Variants in MYEF2 observed in about 807,000 individuals in gnomAD.
MYEF2 encodes myelin expression factor 2.
MYEF2 carries 37 observed loss-of-function variants against 75.2 expected under a neutral mutation model. The observed-to-expected ratio is 0.49, with a 90% confidence interval of 0.38 to 0.65. The LOEUF (loss-of-function observed/expected upper bound fraction) is 0.65, where lower values mean the gene tolerates loss of function less well. Among genes scored for constraint, MYEF2 ranks in the 30% least tolerant of loss-of-function variants. The pLI is 0.00. For synonymous variants in MYEF2, 195 were observed against 241.6 expected, an observed-to-expected ratio of 0.81 and a Z score of 1.79; for missense variants, 634 against 771.4, an observed-to-expected ratio of 0.82 and a Z score of 2.11.
chr15:48,151,627 A>G (rs1353744407), intron 12 of MYEF2, 56 bp from the exon 13 acceptor site: 3 of 1,460,936 alleles, frequency 2.1e-6, no homozygotes, highest in African/African-American at 2.8e-5. Context: ...CATGTTGAAA[A>G]CATTCAGGAA....
Position 48,149,120 on chromosome 15 carries a change from G to GA in MYEF2, c.1588-38dup, listed in dbSNP as rs748649854. 46 of 1,611,476 alleles carry GA rather than the reference G, an allele frequency of 2.9e-5. No homozygotes were observed. The highest frequency in any genetic ancestry group is 6.7e-5 in the Admixed American group (4 of 59,772). On this transcript the variant is annotated intron_variant, in intron 15 of 16. Transcript: ENST00000324324. This position sits in a 1 kb window ranked among gnomAD's most constrained non-coding sequence, Gnocchi z 4.0. ...AGAGGTATTAGTAACATATATACAA[G>GA]AAAAAAAAGAATTTGAATTATCCTT...
chr15:48,153,859 C>G lies in MYEF2; in HGVS notation c.1020G>C (p.Pro340=). ...GLGGIGMGLG[P]GGQPISASQL... is the part of the protein sequence containing the mutation. ...GGCTGGCACTAATAGGCTGTCCACC[C>G]GGACCAAGTCCCATCCCAATGCCTC... is the stretch of plus-strand genomic sequence containing the variant. The change falls in exon 10 of 17, where the codon CCG becomes CCC. Residue 340 remains proline (P), a synonymous_variant. Transcript: ENST00000324324. 6.2e-7 allele frequency: 1 copy of G among 1,613,228 alleles called. No individual in the cohort carries two copies.
rs531820709 is a variant in MYEF2 at position 48,149,253 on chromosome 15, G to A, written c.1497C>T (p.Ile499=). 5.0e-6 allele frequency: 8 copies of A among 1,613,198 alleles called. No homozygotes were observed. The highest frequency in any genetic ancestry group is 4.5e-5 in the East Asian group (2 of 44,864). ...PGIGAILERS[I]DMDRGFLSGP... is the part of the protein sequence containing the mutation. ...CCGATAAAAATCCTCGATCCATATCGATGCTCCTTTCCAGTATAGCTCCTA... is the reference window on the plus strand; with the variant it reads ...CCGATAAAAATCCTCGATCCATATCAATGCTCCTTTCCAGTATAGCTCCTA... The change falls in exon 15 of 17, where the codon ATC becomes ATT. Residue 499 remains isoleucine, a synonymous_variant. Transcript: ENST00000324324. This position sits in a 1 kb window ranked among gnomAD's most constrained non-coding sequence, Gnocchi z 4.0.
intron 1 of MYEF2, among the ~76,000 whole-genome samples, chr15:48,172,230 T>C (rs2040366275): frequency 6.6e-6 from 1 of 152,080 alleles, no homozygotes; most frequent in African/African-American, 2.4e-5. Flanking sequence ...TGAAACCCCG[T>C]CTCTACTAAA....
rs775289464 is a variant in MYEF2, at chr15:48,149,397, G to A, written c.1379-26C>T. ...CTGGATTTTCAAGAAAGGACGGGGG[G>A]ATTTGGGAATTTTGTGTTTTTGTTT... On this transcript the variant is annotated intron_variant, in intron 14 of 16. Transcript: ENST00000324324. This position sits in a 1 kb window ranked among gnomAD's most constrained non-coding sequence, Gnocchi z 4.0. The A allele has an allele frequency of 2.5e-6, 4 of 1,604,044 alleles. No individual in the cohort carries two copies. The highest frequency in any genetic ancestry group is 2.2e-5 in the East Asian group (1 of 44,788).
chr15:48,138,286 A>AT lies in MYEF2; in HGVS notation c.*4621dup. ...AAATTTTGAACATTTTTGAATTCGAATTTTTATCCAATATATTATCATTAT... is the reference window on the plus strand; with the variant it reads ...AAATTTTGAACATTTTTGAATTCGAATTTTTTATCCAATATATTATCATTAT... On this transcript the variant is annotated 3_prime_UTR_variant, in exon 17 of 17. Transcript: ENST00000324324. 6.6e-6 allele frequency: 1 copy of AT among 152,080 alleles called. No individual in the cohort carries two copies. Among genetic ancestry groups the AT allele is most frequent in the East Asian group, 1.9e-4 (1 of 5,186 alleles). 9.4% of individuals were successfully genotyped at this position (152,080 alleles called of 1,614,324 possible). A position where few individuals can be genotyped will look rare whatever the true frequency, so the allele number is the denominator to read the frequency against.
chr15:48,168,632 T>G lies in MYEF2; in HGVS notation c.369A>C (p.Lys123Asn). 2 of 1,610,044 alleles carry G rather than the reference T, an allele frequency of 1.2e-6. No homozygotes were observed. Among genetic ancestry groups the G allele is most frequent in the Non-Finnish European group, 1.7e-6 (2 of 1,176,894 alleles). Residue 123 changes from lysine (K) to asparagine (N), a missense_variant and splice_region_variant, in exon 2 of 17, where the codon AAA (lysine) becomes AAC (asparagine). Coordinates refer to ENST00000324324, the MANE Select transcript of MYEF2 (RefSeq NM_016132.5). ...GTGGGTTATTTCAGAGATAGTTACCTTTCTCTCTCATTAGATCTTTAATAG... is the reference window on the plus strand; with the variant it reads ...GTGGGTTATTTCAGAGATAGTTACCGTTCTCTCTCATTAGATCTTTAATAG... The part of the protein sequence containing the change: ...WQAIKDLMRE[K>N]VGEVTYVELF...
intron 5 of MYEF2, among the ~76,000 whole-genome samples, chr15:48,160,984 TGGCTACCTATGG>T (rs2140893707): frequency 6.6e-6 from 1 of 152,198 alleles, no homozygotes; most frequent in South Asian, 2.1e-4. Flanking sequence ...TTTAGGACAG[TGGCTACCTATGG>T]GGAAGAAAGA....
chr15:48,159,553 C>T (rs933501514), intron 6 of MYEF2, 60 bp downstream of exon 6: 2 of 1,427,274 alleles, frequency 1.4e-6, no homozygotes, highest in Non-Finnish European at 1.9e-6. Context: ...ATAACTCATT[C>T]ATTTAATCAA....
At position 48,134,928 on chromosome 15, in the gene MYEF2, G is replaced by C. The variant is rs138902406; in HGVS notation, c.*7980C>G. On this transcript the variant is annotated 3_prime_UTR_variant, in exon 17 of 17. Transcript: ENST00000324324. The stretch of plus-strand genomic sequence containing the variant: ...GGCCCCTATTCAGAGACTGTGCAGC[G>C]TACACAATTAGTGCAGCAGCAGTTC... 1.2e-6 allele frequency: 2 copies of C among 1,612,478 alleles called. No individual in the cohort carries two copies. Among genetic ancestry groups the C allele is most frequent in the Non-Finnish European group, 1.7e-6 (2 of 1,178,924 alleles).
intron 1 of MYEF2, among the ~76,000 whole-genome samples, chr15:48,172,975 G>A (rs2040394411): frequency 6.6e-6 from 1 of 152,098 alleles, no homozygotes; most frequent in South Asian, 2.1e-4. Flanking sequence ...CTGAACATGA[G>A]GAAAGTCTTT....
In MYEF2 at chr15:48,142,834, T is replaced by C. The variant is rs2039134394; in HGVS notation, c.*74A>G. On this transcript the variant is annotated 3_prime_UTR_variant, in exon 17 of 17. Coordinates refer to ENST00000324324, the MANE Select transcript of MYEF2 (RefSeq NM_016132.5). ...TTACAGCTTTTGTAAGCATACAATA[T>C]TACTTTAAAAAAATGACTTTTACTA... The C allele has an allele frequency of 2.1e-6, 3 of 1,402,452 alleles. No homozygotes were observed. Among genetic ancestry groups the C allele is most frequent in the Admixed American group, 4.9e-5 (2 of 41,148 alleles). The allele number at this position is 1,402,452 out of a possible 1,614,324, so 86.9% of individuals were successfully genotyped here.
rs2039813303 is a variant in MYEF2, at chr15:48,158,835, C to T, written c.805G>A (p.Asp269Asn). The change falls in exon 7 of 17, where the codon GAT becomes AAT. Residue 269 changes from aspartate to asparagine, a missense_variant. Transcript: ENST00000324324. Reference protein sequence around the residue: ...VKRADIKEDKDGKSRGMGTVT... With the variant: ...VKRADIKEDKNGKSRGMGTVT... ...GTGCCCATTCCTCTGCTCTTGCCAT[C>T]TTTGTCTTCTTTAATATCTGCCCGC... The T allele has an allele frequency of 6.2e-7, 1 of 1,613,682 alleles. No individual in the cohort carries two copies. The highest frequency in any genetic ancestry group is 8.5e-7 in the Non-Finnish European group (1 of 1,179,782).
chr15:48,166,047 T>C (rs200676820), intron 4 of MYEF2, 21 bp from the exon 5 acceptor site: 37 of 1,569,524 alleles, frequency 2.4e-5, no homozygotes, highest in Middle Eastern at 3.4e-4. Flanking sequence ...AAAAAATTTA[T>C]AGGAAATGTT....
At chr15:48,171,028 G>T (rs560993578) in intron 1 of MYEF2, among the ~76,000 whole-genome samples, 1 of 152,054 alleles carries the variant, frequency 6.6e-6, no homozygotes, top group Non-Finnish European at 1.5e-5. Context: ...CATGGCCTAG[G>T]GGGGAGTCTT....
chr15:48,139,269 T>C lies in MYEF2; in HGVS notation c.*3639A>G. On this transcript the variant is annotated 3_prime_UTR_variant, in exon 17 of 17. Coordinates refer to ENST00000324324, the MANE Select transcript of MYEF2 (RefSeq NM_016132.5). ...CAAAGTAGTCTAGCTACACAGCAAA[T>C]TTCTTTTCAGCAAGATTGAAGATTA... is the stretch of plus-strand genomic sequence containing the variant. 1 of 1,042,174 alleles carries C rather than the reference T, an allele frequency of 9.6e-7. No homozygotes were observed. The highest frequency in any genetic ancestry group is 1.4e-6 in the Non-Finnish European group (1 of 704,764). The allele number at this position is 1,042,174 out of a possible 1,614,324, so 64.6% of individuals were successfully genotyped here. A position where few individuals can be genotyped will look rare whatever the true frequency, so the allele number is the denominator to read the frequency against.
At chr15:48,153,989 T>C (rs1298711311) in intron 9 of MYEF2, 96 bp from the exon 10 acceptor site, 1 of 927,368 alleles carries the variant, frequency 1.1e-6, no homozygotes, top group African/African-American at 1.7e-5. Flanking sequence ...TGTAGTAGTA[T>C]CTGTAAAATT....
chr15:48,176,718 C>T (rs1392863452), intron 1 of MYEF2, among the ~76,000 whole-genome samples: 2 of 152,120 alleles, frequency 1.3e-5, no homozygotes, highest in Non-Finnish European at 2.9e-5. Context: ...TTTATCATTC[C>T]ACCGGTTTTC....
chr15:48,142,728 C>T lies in MYEF2; in HGVS notation c.*180G>A. ...ACCAGACTTGCTGTCTTTAAAAACC[C>T]AAACTTGAGATTAACAAAAATTACA... On this transcript the variant is annotated 3_prime_UTR_variant, in exon 17 of 17. Coordinates refer to ENST00000324324, the MANE Select transcript of MYEF2 (RefSeq NM_016132.5). 3.4e-6 allele frequency: 2 copies of T among 595,100 alleles called. No homozygotes were observed. Among genetic ancestry groups the T allele is most frequent in the Non-Finnish European group, 5.4e-6 (2 of 372,896 alleles). The allele number at this position is 595,100 out of a possible 1,614,324, so 36.9% of individuals were successfully genotyped here.
Sources: gnomAD v4.1 joint callset for allele counts (sites outside exome capture counted in the v4.1 genomes callset) on GRCh38, gnomAD v4.1.1 for gene constraint, Gnocchi (gnomAD v3.1) non-coding constraint, MANE v1.5 for transcripts, NCBI Gene and HGNC (gene_info 2026-07-23, HGNC 2026-07-21) for gene names.